FLG: variants seen among roughly 807,000 people sequenced by gnomAD.
FLG encodes the protein epidermal filaggrin.
FLG carries 6 observed loss-of-function variants against 3.8 expected under a neutral mutation model. The ratio of observed to expected loss-of-function variants is 1.60; its 90% confidence interval spans 0.87 to 3.15. The LOEUF is 3.15. Ranked by LOEUF, FLG falls within the 30% of genes most tolerant of loss-of-function variation. FLG has a pLI of 0.00. For synonymous variants in FLG, 2,551 were observed against 1,931.6 expected (o/e 1.32, Z -8.41); for missense variants, 7,595 against 5,050.9 (o/e 1.50, Z -15.27).
chr1:152,320,081 G>T (rs1240232230), intron 1 of FLG, among the ~76,000 whole-genome samples: 2 of 151,048 alleles, frequency 1.3e-5, no homozygotes, highest in Non-Finnish European at 3.0e-5. Context: ...ACAAATCAAG[G>T]ATGCATGCTA....
chr1:152,313,683 C>T lies in FLG; in HGVS notation c.1203G>A (p.Gly401=), dbSNP rs1469828529. ...TGACTGCAGATGAAGCTTGCCCGCG[C>T]CCAGTGGCTGAGTGTCTGGAGCTGT... ...SADSSRHSAT[G]RGQASSAVSD... Residue 401 remains glycine (G), a synonymous_variant, in exon 3 of 3, where the codon GGG becomes GGA. Transcript: ENST00000368799. 29 of 1,613,930 alleles carry T rather than the reference C, an allele frequency of 1.8e-5. No homozygotes were observed. The highest frequency in any genetic ancestry group is 1.6e-4 in the Middle Eastern group (1 of 6,080).
Position 152,305,090 on chromosome 1 carries a change from G to A in FLG, c.9796C>T (p.His3266Tyr), listed in dbSNP as rs1348094443. The change falls in exon 3 of 3, where the codon CAC becomes TAC. Residue 3266 changes from histidine (H) to tyrosine (Y), a missense_variant. His to Tyr is a moderately conservative substitution (Grantham distance 83, BLOSUM62 2). Transcript: ENST00000368799. ...SHHEDRAGHGHSADRSRQSGT... is the reference protein window; with the variant it reads ...SHHEDRAGHGYSADRSRQSGT... ...GATTGTCTGGAGCGGTCTGCAGAGT[G>A]CCCGTGACCGGCTCTGTCTTCGTGA... 6.2e-6 allele frequency: 10 copies of A among 1,613,936 alleles called. No individual in the cohort carries two copies. Among genetic ancestry groups the A allele is most frequent in the East Asian group, 2.2e-5 (1 of 44,836 alleles).
Position 152,305,069 on chromosome 1 carries a change from G to A in FLG, c.9817C>T (p.Gln3273Ter), listed in dbSNP as rs1165863321. ...GHGHSADRSRQSGTRHAETSS... is the reference protein window; with the variant it reads ...GHGHSADRSR The stretch of plus-strand genomic sequence containing the variant: ...GTCTCTGCGTGACGAGTGCCTGATT[G>A]TCTGGAGCGGTCTGCAGAGTGCCCG... Residue 3273 changes from glutamine (Q) to a stop codon, truncating the protein, a stop_gained, in exon 3 of 3, where the codon CAA becomes TAA. Transcript: ENST00000368799. LOFTEE classifies it low-confidence loss of function (END_TRUNC). The A allele has an allele frequency of 6.2e-7, 1 of 1,613,890 alleles. No individual in the cohort carries two copies. Among genetic ancestry groups the A allele is most frequent in the Non-Finnish European group, 8.5e-7 (1 of 1,179,970 alleles).
At position 152,314,641 on chromosome 1, in the gene FLG, G is replaced by A; in HGVS notation, c.245C>T (p.Ala82Val). 1 of 1,613,964 alleles carries A rather than the reference G, an allele frequency of 6.2e-7. No homozygotes were observed. The highest frequency in any genetic ancestry group is 8.5e-7 in the Non-Finnish European group (1 of 1,179,986). ...TCTGGTAGACTCATAATATGCTTGA[G>A]CCAACTTGAATACCATCAGAAGAAA... Reference protein sequence around the residue: ...TEFLLMVFKLAQAYYESTRKE... With the variant: ...TEFLLMVFKLVQAYYESTRKE... The change falls in exon 3 of 3, where the codon GCT becomes GTT. Residue 82 changes from alanine (A) to valine (V), a missense_variant. Physicochemically the swap from Ala to Val is moderately conservative, Grantham distance 64. Transcript: ENST00000368799.
Position 152,308,779 on chromosome 1 carries a change from T to C in FLG, c.6107A>G (p.His2036Arg). ...GGCCTGACTACCACTGTACCCTCGGTGTCCACTGTCTCTGACTGCAGATGA... is the reference window on the plus strand; with the variant it reads ...GGCCTGACTACCACTGTACCCTCGGCGTCCACTGTCTCTGACTGCAGATGA... ...QASSAVRDSG[H>R]RGYSGSQASD... Residue 2036 changes from histidine (H) to arginine (R), a missense_variant, in exon 3 of 3, where the codon CAC becomes CGC. By Grantham distance (29) the His-to-Arg change is conservative. Transcript: ENST00000368799. 6.2e-7 allele frequency: 1 copy of C among 1,614,180 alleles called. No homozygotes were observed. Among genetic ancestry groups the C allele is most frequent in the Non-Finnish European group, 8.5e-7 (1 of 1,180,022 alleles).
Position 152,311,102 on chromosome 1 carries a change from T to C in FLG, c.3784A>G (p.Thr1262Ala). 1 of 1,613,950 alleles carries C rather than the reference T, an allele frequency of 6.2e-7. No homozygotes were observed. The highest frequency in any genetic ancestry group is 8.5e-7 in the Non-Finnish European group (1 of 1,179,992). The change falls in exon 3 of 3, where the codon ACA becomes GCA. Residue 1262 changes from threonine (T) to alanine (A), a missense_variant. Thr to Ala is a moderately conservative substitution (Grantham distance 58, BLOSUM62 0). Coordinates refer to ENST00000368799, the MANE Select transcript of FLG (RefSeq NM_002016.2). ...ACACTGGATCCCTGGTGCCTGCTTG[T>C]CCTGGACCCCGATGATTGTTCCTGT... is the stretch of plus-strand genomic sequence containing the variant. ...VGQEQSSGSR[T>A]SRHQGSSVSQ...
In FLG at chr1:152,307,537, G is replaced by A. The variant is rs753498822; in HGVS notation, c.7349C>T (p.Ser2450Phe). Residue 2450 changes from serine (S) to phenylalanine (F), a missense_variant, in exon 3 of 3, where the codon TCC becomes TTC. Coordinates refer to ENST00000368799, the MANE Select transcript of FLG (RefSeq NM_002016.2). Reference protein sequence around the residue: ...GSHHKQARDSSRHSTSQEGQD... With the variant: ...GSHHKQARDSFRHSTSQEGQD... ...ACCCTCTTGGGACGTTGAGTGCCTG[G>A]AGCTGTCTCGTGCCTGCTTGTGGTG... 3.1e-6 allele frequency: 5 copies of A among 1,613,646 alleles called. No homozygotes were observed. The highest frequency in any genetic ancestry group is 2.2e-5 in the East Asian group (1 of 44,796).
chr1:152,318,997 A>G (rs577544977), intron 1 of FLG, among the ~76,000 whole-genome samples: 2 of 151,730 alleles, frequency 1.3e-5, no homozygotes, highest in Non-Finnish European at 3.0e-5. Context: ...TGTTAATTAG[A>G]GAATTTTAGC....
intron 1 of FLG, among the ~76,000 whole-genome samples, chr1:152,320,897 G>A (rs893434561): frequency 6.6e-6 from 1 of 150,866 alleles, no homozygotes; most frequent in African/African-American, 2.4e-5. Flanking sequence ...ATCTTTAAGT[G>A]TTTGAAAATT....
chr1:152,323,586 A>G (rs2101659579), intron 1 of FLG, among the ~76,000 whole-genome samples: 1 of 151,846 alleles, frequency 6.6e-6, no homozygotes, highest in Non-Finnish European at 1.5e-5. Context: ...AACGTGTGAG[A>G]CCTCAATACA....
intron 1 of FLG, among the ~76,000 whole-genome samples, chr1:152,320,240 C>G (rs1470971598): frequency 6.7e-6 from 1 of 150,040 alleles, no homozygotes; most frequent in Non-Finnish European, 1.5e-5. Context: ...TAGTAGAAAC[C>G]AAGTAGTAAT....
chr1:152,310,894 G>A lies in FLG; in HGVS notation c.3992C>T (p.Thr1331Ile). 1.9e-6 allele frequency: 3 copies of A among 1,614,016 alleles called. No homozygotes were observed. The highest frequency in any genetic ancestry group is 2.5e-6 in the Non-Finnish European group (3 of 1,179,990). The stretch of plus-strand genomic sequence containing the variant: ...ATGAGAGGAAGACTCTGTGTGATGA[G>A]TGCCTGATTGTCTGGAGCTGTCTGC... ...HSADSSRQSG[T>I]HHTESSSHGQ... Residue 1331 changes from threonine to isoleucine, a missense_variant, in exon 3 of 3, where the codon ACT becomes ATT. By Grantham distance (89) the Thr-to-Ile change is moderately conservative. Coordinates refer to ENST00000368799, the MANE Select transcript of FLG (RefSeq NM_002016.2).
Position 152,309,504 on chromosome 1 carries a change from G to T in FLG, c.5382C>A (p.His1794Gln), listed in dbSNP as rs753803059. The part of the protein sequence containing the change: ...PSTGGRQRSR[H>Q]EQARDSSRHS... ...GCCTGGAGCTGTCTCGTGCCTGCTCGTGGCGGGATCTTTGTCTTCCTCCAG... is the reference window on the plus strand; with the variant it reads ...GCCTGGAGCTGTCTCGTGCCTGCTCTTGGCGGGATCTTTGTCTTCCTCCAG... The change falls in exon 3 of 3, where the codon CAC (histidine) becomes CAA (glutamine). Residue 1794 changes from histidine (H) to glutamine (Q), a missense_variant. Physicochemically the swap from His to Gln is conservative, Grantham distance 24. Transcript: ENST00000368799. 2 of 1,613,714 alleles carry T rather than the reference G, an allele frequency of 1.2e-6. No individual in the cohort carries two copies. The highest frequency in any genetic ancestry group is 1.7e-4 in the Middle Eastern group (1 of 6,058).
Position 152,314,157 on chromosome 1 carries a change from G to A in FLG, c.729C>T (p.Ala243=), listed in dbSNP as rs764417267. 4 of 1,614,160 alleles carry A rather than the reference G, an allele frequency of 2.5e-6. No individual in the cohort carries two copies. Among genetic ancestry groups the A allele is most frequent in the Admixed American group, 3.3e-5 (2 of 60,028 alleles). ...IATYYTIQDE[A]YDTTDSLLEE... ...CTAATAGACTATCAGTGGTGTCATA[G>A]GCTTCATCCTGGATTGTGTAATATG... The change falls in exon 3 of 3, where the codon GCC becomes GCT. Residue 243 remains alanine (A), a synonymous_variant. Coordinates refer to ENST00000368799, the MANE Select transcript of FLG (RefSeq NM_002016.2).
chr1:152,313,627 C>G lies in FLG; in HGVS notation c.1259G>C (p.Ser420Thr), dbSNP rs1022949530. 4 of 1,613,982 alleles carry G rather than the reference C, an allele frequency of 2.5e-6. No individual in the cohort carries two copies. Among genetic ancestry groups the G allele is most frequent in the Non-Finnish European group, 1.7e-6 (2 of 1,180,038 alleles). Residue 420 changes from serine (S) to threonine (T), a missense_variant, in exon 3 of 3, where the codon AGT (serine) becomes ACT (threonine). Transcript: ENST00000368799. The stretch of plus-strand genomic sequence containing the variant: ...ATGTCCCTCACTGTCACTGGCCTGA[C>G]TACCGCTAGACCCCCGGTGTCCACG... ...SDRGHRGSSG[S>T]QASDSEGHSE... is the part of the protein sequence containing the mutation.
In FLG at chr1:152,305,364, G is replaced by A. The variant is rs1053812081; in HGVS notation, c.9522C>T (p.Ser3174=). The A allele has an allele frequency of 1.3e-5, 21 of 1,608,904 alleles. No homozygotes were observed. Among genetic ancestry groups the A allele is most frequent in the Admixed American group, 1.7e-5 (1 of 59,106 alleles). Residue 3174 remains serine (S), a synonymous_variant, in exon 3 of 3, where the codon AGC becomes AGT. Transcript: ENST00000368799. ...TTRNEEQSGD[S]SRHSVSRHHE... is the part of the protein sequence containing the mutation. Reference sequence around the variant, plus strand: ...GGTGACGTGACACTGAGTGCCTGGAGCTGTCTCCTGATTGTTCCTCATTAC... The same window carrying A: ...GGTGACGTGACACTGAGTGCCTGGAACTGTCTCCTGATTGTTCCTCATTAC...
Position 152,307,815 on chromosome 1 carries a change from G to C in FLG, c.7071C>G (p.Asp2357Glu), listed in dbSNP as rs1432484650. The stretch of plus-strand genomic sequence containing the variant: ...TACCACTGGACCCTCGGTGTCCACT[G>C]TCTCTGACTGCAGATGAAGCTTGTC... ...GHGQASSAVR[D>E]SGHRGSSGSQ... The change falls in exon 3 of 3, where the codon GAC (aspartate) becomes GAG (glutamate). Residue 2357 changes from aspartate to glutamate, a missense_variant. Physicochemically the swap from Asp to Glu is conservative, Grantham distance 45. Transcript: ENST00000368799. 4 of 1,613,096 alleles carry C rather than the reference G, an allele frequency of 2.5e-6. No homozygotes were observed. Among genetic ancestry groups the C allele is most frequent in the East Asian group, 4.5e-5 (2 of 44,796 alleles).
Position 152,304,868 on chromosome 1 carries a change from C to G in FLG, c.10018G>C (p.Ala3340Pro). The G allele has an allele frequency of 6.2e-7, 1 of 1,613,856 alleles. No homozygotes were observed. Among genetic ancestry groups the G allele is most frequent in the South Asian group, 1.1e-5 (1 of 91,016 alleles). Residue 3340 changes from alanine to proline, a missense_variant, in exon 3 of 3, where the codon GCC becomes CCC. By Grantham distance (27) the Ala-to-Pro change is conservative. Coordinates refer to ENST00000368799, the MANE Select transcript of FLG (RefSeq NM_002016.2). Reference sequence around the variant, plus strand: ...TCTGAATGTCCCTCACTATCACTGGCCTGACTACCACTGGACCCCCAGTGT... The same window carrying G: ...TCTGAATGTCCCTCACTATCACTGGGCTGACTACCACTGGACCCCCAGTGT... Reference protein sequence around the residue: ...SRHWGSSGSQASDSEGHSEES... With the variant: ...SRHWGSSGSQPSDSEGHSEES...
In FLG at chr1:152,309,784, T is replaced by C. The variant is rs752102769; in HGVS notation, c.5102A>G (p.Gln1701Arg). The C allele has an allele frequency of 8.7e-6, 14 of 1,613,904 alleles. No individual in the cohort carries two copies. Among genetic ancestry groups the C allele is most frequent in the Non-Finnish European group, 1.2e-5 (14 of 1,179,980 alleles). Residue 1701 changes from glutamine (Q) to arginine (R), a missense_variant, in exon 3 of 3, where the codon CAA becomes CGA. By Grantham distance (43) the Gln-to-Arg change is conservative. Transcript: ENST00000368799. ...ACTGTCTCCGACTACAGATGAATCT[T>C]GTCTGCGCCCAGTGCCTGAGTCTGT... ...SSTDSGTGRR[Q>R]DSSVVGDSGN...
Sources: gnomAD v4.1 joint callset for allele counts (sites outside exome capture counted in the v4.1 genomes callset) on GRCh38, gnomAD v4.1.1 for gene constraint, MANE v1.5 for transcripts, NCBI Gene and HGNC (gene_info 2026-07-23, HGNC 2026-07-21) for gene names.